The following AFF1 variants were observed in gnomAD, a reference collection of about 807,000 sequenced individuals.
The protein encoded by AFF1 is AF4/FMR2 family member 1.
AFF1 carries 48 observed loss-of-function variants against 121.7 expected under a neutral mutation model. That is an observed-to-expected ratio of 0.39 (90% CI 0.31 to 0.50). The LOEUF is 0.50. AFF1 is among the 20% of genes least tolerant of loss of function. AFF1 has a pLI of 0.76. For synonymous variants in AFF1, 613 were observed against 563.0 expected, an observed-to-expected ratio of 1.09 and a Z score of -1.26; for missense variants, 1,523 against 1,511.7, an observed-to-expected ratio of 1.01 and a Z score of -0.12.
intron 8 of AFF1, among the ~76,000 whole-genome samples, chr4:87,096,390 C>CT (rs11301562): frequency 0.022 from 1,513 of 68,274 alleles, 114 homozygotes; most frequent in East Asian, 0.14. Flanking sequence ...ACACACCCGG[C>CT]TTTTTTTTTT....
chr4:86,999,714 G>A (rs1169532383), intron 2 of AFF1, among the ~76,000 whole-genome samples: 1 of 152,210 alleles, frequency 6.6e-6, no homozygotes, highest in East Asian at 1.9e-4. Flanking sequence ...CTGGATGTGT[G>A]AGCAGAAAGA....
intron 5 of AFF1, among the ~76,000 whole-genome samples, chr4:87,087,762 C>T (rs1208992739): frequency 6.6e-6 from 1 of 152,180 alleles, no homozygotes; most frequent in Non-Finnish European, 1.5e-5. Context: ...CTGGGACAGC[C>T]TTAGGCATTT....
intron 2 of AFF1, among the ~76,000 whole-genome samples, chr4:87,029,485 A>T (rs368678646): frequency 2.6e-5 from 4 of 152,178 alleles, no homozygotes; most frequent in East Asian, 3.8e-4. Context: ...AAGAATCAGG[A>T]CATTTGAGGA....
intron 2 of AFF1, among the ~76,000 whole-genome samples, chr4:86,982,516 G>T (rs1311700611): frequency 1.4e-5 from 2 of 144,996 alleles, no homozygotes; most frequent in Non-Finnish European, 3.0e-5. Flanking sequence ...CTTTGATGGT[G>T]ATTAGGTCAT....
chr4:86,963,984 T>TTTTTTTTTTA (rs1553910103), intron 2 of AFF1, among the ~76,000 whole-genome samples: 2 of 144,352 alleles, frequency 1.4e-5, no homozygotes, highest in Non-Finnish European at 1.5e-5. Context: ...TTTTTTTTTT[T>TTTTTTTTTTA]AGTACAATTT....
At chr4:87,073,192 A>G (rs1722270009) in intron 4 of AFF1, among the ~76,000 whole-genome samples, 1 of 149,370 alleles carries the variant, frequency 6.7e-6, no homozygotes, top group African/African-American at 2.5e-5. Context: ...TTCTGATATT[A>G]AATGAATTGT....
At chr4:87,123,626 G>GA in intron 12 of AFF1, among the ~76,000 whole-genome samples, 1 of 152,350 alleles carries the variant, frequency 6.6e-6, no homozygotes, top group East Asian at 1.9e-4. Context: ...TGAAGGGCTG[G>GA]ATGGATGTGC....
rs1435840076 is a variant in AFF1, at chr4:87,109,137, C to T, written c.1533+822C>T. 2.0e-5 allele frequency among the ~76,000 whole-genome samples: 3 copies of T among 151,946 alleles called. No homozygotes were observed. The South Asian group carries it at 6.3e-4, about 32-fold the overall frequency. ...TTTCTTTTTGGTGAATGAAACCAGC[C>T]CACATCGAGAAAATTATTCCATGTA... On this transcript the variant is annotated intron_variant, in intron 11 of 20. Coordinates refer to ENST00000395146, the MANE Select transcript of AFF1 (RefSeq NM_001166693.3).
At chr4:87,072,363 A>G (rs996579338) in intron 4 of AFF1, among the ~76,000 whole-genome samples, 1 of 7,390 alleles carries the variant, frequency 1.4e-4, no homozygotes, top group South Asian at 2.2e-3. Flanking sequence ...ACTCCGTCTC[A>G]AAAAAAAAAA....
intron 11 of AFF1, among the ~76,000 whole-genome samples, chr4:87,109,811 A>C (rs1294943874): frequency 2.0e-5 from 3 of 152,230 alleles, no homozygotes; most frequent in Non-Finnish European, 4.4e-5. Flanking sequence ...TCTGTAAAAT[A>C]AATGGTCCCA....
At chr4:86,996,034 A>C (rs1388903002) in intron 2 of AFF1, among the ~76,000 whole-genome samples, 2 of 123,976 alleles carry the variant, frequency 1.6e-5, no homozygotes, top group East Asian at 4.5e-4. Flanking sequence ...CCCTCCGCCC[A>C]GCAGCCACCC....
intron 2 of AFF1, among the ~76,000 whole-genome samples, chr4:86,969,803 C>T (rs573080942): frequency 6.2e-4 from 87 of 141,306 alleles, no homozygotes; most frequent in African/African-American, 2.1e-3. Flanking sequence ...TGGCGTGAAC[C>T]CGGGAGGCGG....
intron 19 of AFF1, 122 bp from the exon 20 acceptor site, chr4:87,134,346 TATC>T: frequency 2.3e-6 from 2 of 879,966 alleles, no homozygotes; most frequent in African/African-American, 1.7e-5. Context: ...TAGCAGTGGT[TATC>T]ATTTTGGCAG....
At chr4:86,962,748 C>T (rs1722242734) in intron 2 of AFF1, among the ~76,000 whole-genome samples, 1 of 152,104 alleles carries the variant, frequency 6.6e-6, no homozygotes, top group Admixed American at 6.6e-5. Flanking sequence ...CTGGAACTTA[C>T]ATTATTAAGA....
At position 86,997,438 on chromosome 4, in the gene AFF1, G is replaced by T. The variant is rs796576444; in HGVS notation, c.39-48728G>T. Among the ~76,000 whole-genome samples the T allele has an allele frequency of 1.2e-4, 18 of 152,142 alleles. 1 individual carries two copies. In the South Asian group the frequency reaches 3.5e-3, roughly 30 times the overall value. On this transcript the variant is annotated intron_variant, in intron 2 of 20. Transcript: ENST00000395146. ...ATTCTGCTATAGGCAGCAGGAAATG[G>T]ATTAAGGCACATGCATTCTAAATAT...
At chr4:87,106,931 G>T (rs1368773515) in intron 10 of AFF1, among the ~76,000 whole-genome samples, 3 of 152,166 alleles carry the variant, frequency 2.0e-5, no homozygotes, top group Non-Finnish European at 1.5e-5. Context: ...AGTAATTTCT[G>T]GTGGGTTATG....
At chr4:87,072,199 T>A (rs1303700007) in intron 4 of AFF1, among the ~76,000 whole-genome samples, 1 of 151,828 alleles carries the variant, frequency 6.6e-6, no homozygotes, top group Non-Finnish European at 1.5e-5. Flanking sequence ...CCGTCTCTAC[T>A]AAAAATACAA....
At chr4:86,984,751 C>T (rs1171220457) in intron 2 of AFF1, among the ~76,000 whole-genome samples, 2 of 151,974 alleles carry the variant, frequency 1.3e-5, no homozygotes, top group African/African-American at 4.8e-5. Context: ...GCCTGCGAAG[C>T]ATAGCAATAT....
At chr4:87,109,637 C>T (rs1188523565) in intron 11 of AFF1, among the ~76,000 whole-genome samples, 1 of 152,160 alleles carries the variant, frequency 6.6e-6, no homozygotes, top group African/African-American at 2.4e-5. Flanking sequence ...AATCTTCATG[C>T]TAGTTAGATT....
Sources: gnomAD v4.1 joint callset for allele counts (sites outside exome capture counted in the v4.1 genomes callset) on GRCh38, gnomAD v4.1.1 for gene constraint, MANE v1.5 for transcripts, NCBI Gene and HGNC (gene_info 2026-07-23, HGNC 2026-07-21) for gene names.